The following PPM1B variants were observed in gnomAD, a reference collection of about 807,000 sequenced individuals.
PPM1B encodes protein phosphatase 1B.
Under a neutral mutation model 43.0 loss-of-function variants are expected in PPM1B, and 22 were observed. The ratio of observed to expected loss-of-function variants is 0.51; its 90% CI spans 0.37 to 0.73. The LOEUF is 0.73. PPM1B is among the 30% of genes least tolerant of loss of function. PPM1B has a pLI of 0.00. For synonymous variants in PPM1B, 217 were observed against 197.9 expected (o/e 1.10, Z -0.81); for missense variants, 632 against 584.2 (o/e 1.08, Z -0.84).
At position 44,201,595 on chromosome 2, in the gene PPM1B, A is replaced by T. The variant is rs375264230; in HGVS notation, c.396A>T (p.Ser132=). The T allele has an allele frequency of 9.9e-6, 16 of 1,614,048 alleles. No individual in the cohort carries two copies. The highest frequency in any genetic ancestry group is 1.4e-5 in the Non-Finnish European group (16 of 1,180,036). The part of the protein sequence containing the change: ...DLRNGMDRSG[S]TAVGVMISPK... ...GAAACGGGATGGACAGGAGTGGTTC[A>T]ACTGCAGTGGGAGTTATGATTTCAC... The change falls in exon 2 of 6, where the codon TCA becomes TCT. Residue 132 remains serine, a synonymous_variant. Coordinates refer to ENST00000282412, the MANE Select transcript of PPM1B (RefSeq NM_002706.6). This position sits in a 1 kb window ranked among gnomAD's most constrained non-coding sequence, Gnocchi z 5.4.
chr2:44,230,370 C>CA, intron 5 of PPM1B, 43 bp from the exon 6 acceptor site: 2 of 1,595,156 alleles, frequency 1.3e-6, no homozygotes, highest in Non-Finnish European at 8.5e-7. Flanking sequence ...ATGTGATATC[C>CA]TAGTTTGTCT....
downstream of PPM1B, chr2:44,232,206 A>G: frequency 6.8e-7 from 1 of 1,470,562 alleles, no homozygotes; most frequent in South Asian, 1.3e-5. Context: ...CCCTTTTCAG[A>G]CAAAGAAAGG....
At chr2:44,181,964 A>G (rs937490674) in intron 1 of PPM1B, among the ~76,000 whole-genome samples, 1 of 152,164 alleles carries the variant, frequency 6.6e-6, no homozygotes, top group Non-Finnish European at 1.5e-5. Flanking sequence ...AAAAGAATAA[A>G]GTTTTTTTGA....
At chr2:44,226,577 A>G (rs1670219341) in intron 5 of PPM1B, among the ~76,000 whole-genome samples, 1 of 152,158 alleles carries the variant, frequency 6.6e-6, no homozygotes, top group African/African-American at 2.4e-5. Context: ...GAATCTGTGT[A>G]TTTTGAAATG....
chr2:44,201,043 C>G lies in PPM1B; in HGVS notation c.-14-143C>G, dbSNP rs1668908777. ...CTGTAGGATGTAGGGGAGGAAATTT[C>G]TTGGGCTTTTGTTGTTGCTCCCGTA... On this transcript the variant is annotated intron_variant, in intron 1 of 5. Transcript: ENST00000282412. This position sits in a 1 kb window ranked among gnomAD's most constrained non-coding sequence, Gnocchi z 5.4. 6.0e-6 allele frequency: 5 copies of G among 831,712 alleles called. No individual in the cohort carries two copies. The highest frequency in any genetic ancestry group is 3.2e-5 in the Admixed American group (1 of 30,902). 51.5% of individuals were successfully genotyped at this position (831,712 alleles called of 1,614,324 possible).
rs1670431583 is a variant in PPM1B, at chr2:44,230,669, A to G, written c.1391A>G (p.Asp464Gly). ...TCAGAAAGTGGTCTTGCTGAATTAG[A>G]CAGCTCTAATGAAGATGCAGGGACA... The part of the protein sequence containing the change: ...TESESGLAEL[D>G]SSNEDAGTKM... The change falls in exon 6 of 6, where the codon GAC becomes GGC. Residue 464 changes from aspartate to glycine, a missense_variant. Physicochemically the swap from Asp to Gly is moderately conservative, Grantham distance 94 (BLOSUM62 -1). Transcript: ENST00000282412. 2 of 1,614,092 alleles carry G rather than the reference A, an allele frequency of 1.2e-6. No homozygotes were observed. The highest frequency in any genetic ancestry group is 1.7e-6 in the Non-Finnish European group (2 of 1,179,920).
At chr2:44,187,056 A>G (rs2104047979) in intron 1 of PPM1B, among the ~76,000 whole-genome samples, 1 of 152,206 alleles carries the variant, frequency 6.6e-6, no homozygotes, top group East Asian at 1.9e-4. Context: ...CAAAACTGAA[A>G]CTCTATGCCC....
chr2:44,199,900 G>A (rs906610208), intron 1 of PPM1B, among the ~76,000 whole-genome samples: 2 of 151,878 alleles, frequency 1.3e-5, no homozygotes, highest in Non-Finnish European at 2.9e-5. Flanking sequence ...TTTAAATGGC[G>A]ATATGTAATT....
At chr2:44,192,196 GTATT>G (rs1195622064) in intron 1 of PPM1B, among the ~76,000 whole-genome samples, 473 of 106,672 alleles carry the variant, frequency 4.4e-3, no homozygotes, top group African/African-American at 0.017. Flanking sequence ...TTATGGTATT[GTATT>G]GTATTGTATT....
chr2:44,230,269 G>T, intron 5 of PPM1B, 144 bp from the exon 6 acceptor site: 7 of 1,471,052 alleles, frequency 4.8e-6, no homozygotes. Context: ...ATACAGGTAA[G>T]AATTGATATT....
intron 1 of PPM1B, among the ~76,000 whole-genome samples, chr2:44,182,008 A>G (rs950699652): frequency 6.6e-6 from 1 of 152,206 alleles, no homozygotes; most frequent in African/African-American, 2.4e-5. Flanking sequence ...CACAACTGTT[A>G]AGAGTTTCCA....
intron 5 of PPM1B, among the ~76,000 whole-genome samples, chr2:44,223,799 G>C (rs564590836): frequency 1.9e-5 from 2 of 105,044 alleles, no homozygotes; most frequent in South Asian, 3.5e-4. Flanking sequence ...CTGGGCAACA[G>C]AGTGGGACTC....
At chr2:44,228,706 A>G (rs1227089196) in intron 5 of PPM1B, among the ~76,000 whole-genome samples, 1 of 151,316 alleles carries the variant, frequency 6.6e-6, no homozygotes, top group Non-Finnish European at 1.5e-5. Flanking sequence ...AGGGGATATG[A>G]TATGTTGGAA....
At position 44,230,051 on chromosome 2, in the gene PPM1B, T is replaced by C. The variant is rs769415467; in HGVS notation, c.1135-362T>C. 17 of 1,567,480 alleles carry C rather than the reference T, an allele frequency of 1.1e-5. No individual in the cohort carries two copies. The East Asian group carries it at 3.6e-4, about 33-fold the overall frequency. ...CTTTTCTGTCCTTTTCCTACTGCTT[T>C]AAACATTGATTTTCTTTTGTACTAA... On this transcript the variant is annotated intron_variant, in intron 5 of 5. Transcript: ENST00000282412.
chr2:44,189,743 G>A (rs987162921), intron 1 of PPM1B, among the ~76,000 whole-genome samples: 11 of 152,202 alleles, frequency 7.2e-5, no homozygotes, highest in African/African-American at 2.7e-4. Context: ...GGGATTACAG[G>A]CATGAGCCAC....
rs1485859343 is a variant in PPM1B at position 44,240,840 on chromosome 2, C to T, written n.1547-3388C>T. 3.4e-5 allele frequency among the ~76,000 whole-genome samples: 5 copies of T among 145,912 alleles called. 1 individual carries two copies. In the East Asian group the frequency reaches 1.0e-3, roughly 30 times the overall value. The stretch of plus-strand genomic sequence containing the variant: ...CCCGAGCTCCAGCAGCAGCCAGGTG[C>T]TGTTGGCTTCCTTACGCAGTGAGCT... On this transcript the variant is annotated intron_variant and non_coding_transcript_variant, in intron 5 of 5. Coordinates refer to the PPM1B transcript ENST00000378540.
At chr2:44,207,984 G>T (rs1390712795) in intron 2 of PPM1B, among the ~76,000 whole-genome samples, 3 of 150,868 alleles carry the variant, frequency 2.0e-5, no homozygotes, top group African/African-American at 7.3e-5. Flanking sequence ...CACCTCCCGG[G>T]TTCAAGTGAT....
At chr2:44,233,496 GA>G (rs1670526250), downstream of PPM1B, 1 of 984,796 alleles carries the variant, frequency 1.0e-6, no homozygotes, top group African/African-American at 1.7e-5. Flanking sequence ...GTATTTATCT[GA>G]AAGAAGTTTC....
intron 1 of PPM1B, among the ~76,000 whole-genome samples, chr2:44,189,430 C>G (rs1340850606): frequency 6.6e-6 from 1 of 152,104 alleles, no homozygotes; most frequent in Non-Finnish European, 1.5e-5. Context: ...CTCCGCAGTT[C>G]TAACTTGCTA....
Sources: allele counts gnomAD v4.1 joint callset (sites outside exome capture counted in the v4.1 genomes callset), GRCh38; gene constraint gnomAD v4.1.1; non-coding constraint Gnocchi (gnomAD v3.1); transcripts MANE v1.5; gene names NCBI Gene and HGNC (gene_info 2026-07-23, HGNC 2026-07-21).